The following ITGA11 variants were observed in gnomAD, a reference collection of about 807,000 sequenced individuals.
The protein encoded by ITGA11 is integrin alpha-11.
In ITGA11, 97 loss-of-function variants were observed where a neutral mutation model predicts 141.9. The observed-to-expected ratio is 0.68, with a 90% CI of 0.58 to 0.81. The LOEUF (loss-of-function observed/expected upper bound fraction) is 0.81, where lower values mean the gene tolerates loss of function less well. Among genes scored for constraint, ITGA11 ranks in the 30% least tolerant of loss-of-function variants. The pLI, the probability that ITGA11 is intolerant of heterozygous loss-of-function variation, is 0.00. For synonymous variants in ITGA11, 658 were observed against 624.6 expected, an observed-to-expected ratio of 1.05 and a Z score of -0.80; for missense variants, 1,387 against 1,559.2, an observed-to-expected ratio of 0.89 and a Z score of 1.86.
At chr15:68,315,278 T>C (rs7182849) in intron 22 of ITGA11, among the ~76,000 whole-genome samples, 14,157 of 152,198 alleles carry the variant, frequency 0.093, 803 homozygotes, top group African/African-American at 0.17. Context: ...AGATGGTGTG[T>C]GGAATAACCC....
At position 68,431,562 on chromosome 15, in the gene ITGA11, T is replaced by G. The variant is rs1024176616; in HGVS notation, c.52+453A>C. ...CCGCCGCGCCCGGCTCTCCAAACTT[T>G]GAGATGCTTCCCCGGAGCCAGGCAG... On this transcript the variant is annotated intron_variant, in intron 1 of 29. Coordinates refer to ENST00000315757, the MANE Select transcript of ITGA11 (RefSeq NM_001004439.2). 2.0e-5 allele frequency among the ~76,000 whole-genome samples: 3 copies of G among 152,244 alleles called. No homozygotes were observed. The East Asian group carries it at 5.8e-4, about 30-fold the overall frequency.
At chr15:68,378,003 A>T (rs1224865952) in intron 2 of ITGA11, among the ~76,000 whole-genome samples, 2 of 152,198 alleles carry the variant, frequency 1.3e-5, no homozygotes, top group African/African-American at 4.8e-5. Flanking sequence ...TGCCTTTCTG[A>T]TAGAGAAGCA....
Position 68,332,407 on chromosome 15 carries a change from C to A in ITGA11, c.1497G>T (p.Leu499=). Residue 499 remains leucine, a synonymous_variant, in exon 13 of 30, where the codon CTG becomes CTT. Coordinates refer to ENST00000315757, the MANE Select transcript of ITGA11 (RefSeq NM_001004439.2). The part of the protein sequence containing the change: ...IDGDGVTDVL[L]VGAPMYFNEG... The stretch of plus-strand genomic sequence containing the variant: ...CGTTGAAGTACATGGGTGCGCCCAC[C>A]AGCAGGACATCAGTCACGCCGTCGC... 1 of 1,611,010 alleles carries A rather than the reference C, an allele frequency of 6.2e-7. No homozygotes were observed.
At chr15:68,403,502 C>G (rs577087220) in intron 1 of ITGA11, among the ~76,000 whole-genome samples, 1 of 152,144 alleles carries the variant, frequency 6.6e-6, no homozygotes, top group African/African-American at 2.4e-5. Flanking sequence ...CACGCTGGCT[C>G]GCCTTCACCT....
chr15:68,370,466 G>T (rs1009483423), intron 2 of ITGA11, among the ~76,000 whole-genome samples: 3 of 152,168 alleles, frequency 2.0e-5, no homozygotes, highest in Admixed American at 6.5e-5. Flanking sequence ...TCACCCACCA[G>T]AGAGCAGCCC....
rs540042745 is a variant in ITGA11, at chr15:68,334,680, G to C, written c.1425+1017C>G. Among the ~76,000 whole-genome samples the C allele has an allele frequency of 2.6e-5, 4 of 152,304 alleles. No individual in the cohort carries two copies. The East Asian group carries it at 7.7e-4, about 29-fold the overall frequency. ...CGGGAGAAATTTGTCTAAATATGTG[G>C]CCTCAGCTATGTGGGTCACCGCGAT... On this transcript the variant is annotated intron_variant, in intron 12 of 29. Coordinates refer to ENST00000315757, the MANE Select transcript of ITGA11 (RefSeq NM_001004439.2).
At chr15:68,379,935 T>G (rs1310220111) in intron 2 of ITGA11, among the ~76,000 whole-genome samples, 1 of 152,256 alleles carries the variant, frequency 6.6e-6, no homozygotes, top group Non-Finnish European at 1.5e-5. Flanking sequence ...AAGCATTTCC[T>G]GCTCTCTGAT....
chr15:68,339,651 T>C lies in ITGA11; in HGVS notation c.1132-7A>G, dbSNP rs775780694. ...CTCCCAGCAGAACCCCATCCTGGCA[T>C]TGGGGAGGGGACACACATCAGCACC... On this transcript the variant is annotated splice_polypyrimidine_tract_variant and splice_region_variant and intron_variant, in intron 10 of 29. Transcript: ENST00000315757. The C allele has an allele frequency of 1.2e-5, 20 of 1,613,912 alleles. No individual in the cohort carries two copies. The highest frequency in any genetic ancestry group is 1.5e-5 in the Non-Finnish European group (18 of 1,179,870).
intron 10 of ITGA11, among the ~76,000 whole-genome samples, chr15:68,342,861 C>T (rs566848364): frequency 3.3e-5 from 5 of 152,266 alleles, no homozygotes; most frequent in Admixed American, 2.6e-4. Context: ...CAGAGTTATC[C>T]AGCCCAAGAT....
chr15:68,311,395 G>A lies in ITGA11; in HGVS notation c.2982C>T (p.Asn994=), dbSNP rs1893379874. The A allele has an allele frequency of 6.4e-7, 1 of 1,560,688 alleles. No homozygotes were observed. The highest frequency in any genetic ancestry group is 8.7e-7 in the Non-Finnish European group (1 of 1,151,070). ...TCCCGTGGATGGGGAACAAGCCCAA[G>A]TTCTGGATCTGTGGCCAGAGACAGG... ...PPFSCIFRIQ[N]LGLFPIHGMM... The change falls in exon 25 of 30, where the codon AAC becomes AAT. Residue 994 remains asparagine, a synonymous_variant. Transcript: ENST00000315757.
intron 2 of ITGA11, among the ~76,000 whole-genome samples, chr15:68,371,978 T>G (rs1487783261): frequency 6.6e-6 from 1 of 152,068 alleles, no homozygotes; most frequent in African/African-American, 2.4e-5. Flanking sequence ...TCCATAGTAC[T>G]TCATGAGGTA....
At chr15:68,427,465 C>T (rs1897170316) in intron 1 of ITGA11, among the ~76,000 whole-genome samples, 1 of 152,096 alleles carries the variant, frequency 6.6e-6, no homozygotes, top group Admixed American at 6.5e-5. Flanking sequence ...GGTCCTAAGC[C>T]CATGCACATG....
At chr15:68,354,841 T>G (rs1362986334) in intron 7 of ITGA11, among the ~76,000 whole-genome samples, 1 of 152,190 alleles carries the variant, frequency 6.6e-6, no homozygotes, top group Admixed American at 6.5e-5. Context: ...ATGGCCTGGA[T>G]CTTTGCCCTT....
At chr15:68,350,806 C>T (rs1305957276) in intron 8 of ITGA11, 24 bp from the exon 9 acceptor site, 1 of 1,601,968 alleles carries the variant, frequency 6.2e-7, no homozygotes, top group Non-Finnish European at 8.5e-7. Flanking sequence ...GGGGCAGGAA[C>T]CACAAACCAG....
Position 68,320,292 on chromosome 15 carries a change from G to C in ITGA11, c.2509C>G (p.Arg837Gly). Residue 837 changes from arginine to glycine, a missense_variant, in exon 20 of 30, where the codon CGA (arginine) becomes GGA (glycine). Physicochemically the swap from Arg to Gly is moderately radical, Grantham distance 125 (BLOSUM62 -2). Coordinates refer to ENST00000315757, the MANE Select transcript of ITGA11 (RefSeq NM_001004439.2). ...TCCAGTGTGGCCTCCACCGCCACTC[G>C]CTGGCGTGTGCTCTCTATGATGAAG... ...TVFIIESTRQ[R>G]VAVEATLENR... is the part of the protein sequence containing the mutation. The C allele has an allele frequency of 6.2e-7, 1 of 1,613,932 alleles. No individual in the cohort carries two copies. The highest frequency in any genetic ancestry group is 8.5e-7 in the Non-Finnish European group (1 of 1,179,824).
Position 68,333,449 on chromosome 15 carries a change from T to C in ITGA11, c.1426-971A>G, listed in dbSNP as rs1180413868. Among the ~76,000 whole-genome samples, 1 of 152,234 alleles carries C rather than the reference T, an allele frequency of 6.6e-6. No individual in the cohort carries two copies. Among genetic ancestry groups the C allele is most frequent in the African/African-American group, 2.4e-5 (1 of 41,462 alleles). On this transcript the variant is annotated intron_variant, in intron 12 of 29. Transcript: ENST00000315757. This position sits in a 1 kb window ranked among gnomAD's most constrained non-coding sequence, Gnocchi z 4.2. ...CATTAGCATCGTGGATGGTGAATTA[T>C]GATTTCTTTCAGTGTCTGAGCACTT...
At chr15:68,352,152 C>T (rs535013163) in intron 7 of ITGA11, among the ~76,000 whole-genome samples, 16 of 151,506 alleles carry the variant, frequency 1.1e-4, no homozygotes, top group East Asian at 7.8e-4. Context: ...AGCCAGACCC[C>T]TGAAATTGGA....
At chr15:68,323,024 C>T (rs1310098249) in intron 18 of ITGA11, among the ~76,000 whole-genome samples, 1 of 152,156 alleles carries the variant, frequency 6.6e-6, no homozygotes, top group Non-Finnish European at 1.5e-5. Flanking sequence ...ACAGCCCAAA[C>T]CAGGGGAGAG....
intron 14 of ITGA11, 81 bp from the exon 15 acceptor site, chr15:68,331,192 AG>A (rs1366996722): frequency 7.7e-7 from 1 of 1,303,110 alleles, no homozygotes; most frequent in Non-Finnish European, 1.1e-6. Context: ...AGGAACAATC[AG>A]GAACAATAGG....
Sources: gnomAD v4.1 joint callset for allele counts (sites outside exome capture counted in the v4.1 genomes callset) on GRCh38, gnomAD v4.1.1 for gene constraint, Gnocchi (gnomAD v3.1) non-coding constraint, MANE v1.5 for transcripts, NCBI Gene and HGNC (gene_info 2026-07-23, HGNC 2026-07-21) for gene names.